Variants in DAB1 observed in about 807,000 individuals in gnomAD.
The protein encoded by DAB1 is disabled homolog 1.
Under a neutral mutation model 64.6 loss-of-function variants are expected in DAB1, and 15 were observed. The ratio of observed to expected loss-of-function variants is 0.23; its 90% CI spans 0.16 to 0.36. DAB1 has a LOEUF of 0.36. Among genes scored for constraint, DAB1 ranks in the 10% least tolerant of loss-of-function variants. The pLI, the probability that DAB1 is intolerant of heterozygous loss-of-function variation, is 1.00. For missense variants in DAB1, 596 were observed against 706.7 expected (o/e 0.84, Z 1.78); for synonymous variants, 235 against 251.9 (o/e 0.93, Z 0.64).
intron 6 of DAB1, among the ~76,000 whole-genome samples, chr1:57,811,975 C>T (rs1411108592): frequency 2.0e-5 from 3 of 152,152 alleles, no homozygotes; most frequent in Non-Finnish European, 2.9e-5. Flanking sequence ...GGCAGAAGAA[C>T]ATTTTTAAAG....
chr1:58,083,544 T>C (rs1006658083), intron 5 of DAB1, among the ~76,000 whole-genome samples: 1 of 152,234 alleles, frequency 6.6e-6, no homozygotes, highest in African/African-American at 2.4e-5. Context: ...TAACTATATA[T>C]GAATTTAGTT....
At chr1:58,375,751 G>C (rs1414746325) in intron 3 of DAB1, among the ~76,000 whole-genome samples, 6 of 143,382 alleles carry the variant, frequency 4.2e-5, no homozygotes, top group Non-Finnish European at 7.8e-5. Flanking sequence ...AGTTTCAGAA[G>C]GAATGGTACC....
At chr1:57,765,874 G>T (rs1281017417) in intron 6 of DAB1, among the ~76,000 whole-genome samples, 1 of 151,926 alleles carries the variant, frequency 6.6e-6, no homozygotes, top group Non-Finnish European at 1.5e-5. Flanking sequence ...CAAGTGATCT[G>T]CCCACCTTGG....
At chr1:57,316,460 T>C (rs1281068292) in intron 1 of DAB1, among the ~76,000 whole-genome samples, 1 of 152,070 alleles carries the variant, frequency 6.6e-6, no homozygotes, top group Non-Finnish European at 1.5e-5. Context: ...ACCGGACAAA[T>C]GCCAGGCTAC....
intron 9 of DAB1, among the ~76,000 whole-genome samples, chr1:57,056,460 G>T (rs1379760795): frequency 7.0e-6 from 1 of 142,362 alleles, no homozygotes; most frequent in African/African-American, 2.6e-5. Context: ...AGCTATGACT[G>T]CAACACTGCA....
At chr1:57,820,612 C>A (rs756876296) in intron 6 of DAB1, among the ~76,000 whole-genome samples, 31 of 152,256 alleles carry the variant, frequency 2.0e-4, no homozygotes, top group Admixed American at 2.0e-4. Context: ...TGCTTCTACT[C>A]CAGATTAATA....
chr1:57,060,967 T>C (rs964227648), intron 9 of DAB1, among the ~76,000 whole-genome samples: 5 of 151,410 alleles, frequency 3.3e-5, no homozygotes, highest in African/African-American at 1.2e-4. Flanking sequence ...TAGGGGCAAG[T>C]GTGGCAATTC....
chr1:58,480,221 T>G (rs954682101), intron 3 of DAB1, among the ~76,000 whole-genome samples: 1 of 152,090 alleles, frequency 6.6e-6, no homozygotes, highest in Non-Finnish European at 1.5e-5. Flanking sequence ...CTCAGCCTCT[T>G]TTGAGGGACA....
chr1:57,939,713 G>A (rs1645076287), intron 5 of DAB1, among the ~76,000 whole-genome samples: 1 of 152,118 alleles, frequency 6.6e-6, no homozygotes, highest in Non-Finnish European at 1.5e-5. Context: ...ACAAATTTGT[G>A]CCATTCTCCA....
intron 5 of DAB1, among the ~76,000 whole-genome samples, chr1:58,145,238 T>C (rs1326709749): frequency 6.6e-6 from 1 of 152,204 alleles, no homozygotes; most frequent in African/African-American, 2.4e-5. Flanking sequence ...GTAGCACAGA[T>C]CCCTCATGGG....
chr1:58,433,481 C>T (rs1042642372), intron 3 of DAB1, among the ~76,000 whole-genome samples: 9 of 150,984 alleles, frequency 6.0e-5, no homozygotes, highest in African/African-American at 1.7e-4. Context: ...CAGGGAAGTC[C>T]GAGAAGATGA....
chr1:58,244,608 C>T (rs1660449867), intron 4 of DAB1, among the ~76,000 whole-genome samples: 1 of 152,162 alleles, frequency 6.6e-6, no homozygotes, highest in Non-Finnish European at 1.5e-5. Flanking sequence ...GAACAGTCTC[C>T]ACAGTAAGAA....
At chr1:57,265,155 C>T (rs79726753) in intron 2 of DAB1, among the ~76,000 whole-genome samples, 4,692 of 152,268 alleles carry the variant, frequency 0.031, 72 homozygotes, top group Non-Finnish European at 0.038. Context: ...TCCTCCCATG[C>T]GCCCCACACC....
intron 3 of DAB1, among the ~76,000 whole-genome samples, chr1:58,447,061 T>C (rs1645075684): frequency 6.6e-6 from 1 of 152,220 alleles, no homozygotes; most frequent in Non-Finnish European, 1.5e-5. Flanking sequence ...GCTTTTATCT[T>C]ACTAGCTGAG....
In DAB1 at chr1:58,484,732, T is replaced by G. The variant is rs576938095; in HGVS notation, n.257+21328A>C. Among the ~76,000 whole-genome samples the G allele has an allele frequency of 8.8e-4, 134 of 152,262 alleles. 1 individual carries two copies. The highest frequency in any genetic ancestry group is 1.4e-3 in the Non-Finnish European group (98 of 68,016). ...CAGACAAAAGAATATTATTCAGATC[T>G]AAGAAGAAATTAGCTATCAAGCCAT... On this transcript the variant is annotated intron_variant and non_coding_transcript_variant, in intron 3 of 20. Transcript: ENST00000485760.
intron 4 of DAB1, among the ~76,000 whole-genome samples, chr1:58,180,555 G>A (rs1418057538): frequency 1.3e-5 from 2 of 151,768 alleles, no homozygotes; most frequent in East Asian, 1.9e-4. Context: ...TTGGCTTCCC[G>A]AAGTGCTGGG....
chr1:57,382,783 A>C (rs1681486568), intron 1 of DAB1, among the ~76,000 whole-genome samples: 1 of 152,186 alleles, frequency 6.6e-6, no homozygotes, highest in Non-Finnish European at 1.5e-5. Flanking sequence ...TCTTCATATC[A>C]AGGTCCTTAT....
intron 3 of DAB1, among the ~76,000 whole-genome samples, chr1:58,358,833 T>TTC (rs1329214872): frequency 6.6e-6 from 1 of 151,770 alleles, no homozygotes; most frequent in Non-Finnish European, 1.5e-5. Flanking sequence ...CTTTCTGTCT[T>TTC]TCTCTCTCAC....
At chr1:57,515,198 T>A (rs1184630109) in intron 7 of DAB1, among the ~76,000 whole-genome samples, 2 of 152,186 alleles carry the variant, frequency 1.3e-5, no homozygotes, top group Non-Finnish European at 2.9e-5. Context: ...TTGTTAGTCC[T>A]GGGTTAAAAA....
Sources: allele counts gnomAD v4.1 joint callset (sites outside exome capture counted in the v4.1 genomes callset), GRCh38; gene constraint gnomAD v4.1.1; transcripts MANE v1.5; gene names NCBI Gene and HGNC (gene_info 2026-07-23, HGNC 2026-07-21).